Variants in FRMPD1 observed in about 807,000 individuals in gnomAD.
FRMPD1 encodes the protein FERM and PDZ domain containing 1, also known as FERM and PDZ domain-containing protein 1.
In FRMPD1, 76 loss-of-function variants were observed where a neutral mutation model predicts 117.8. The observed-to-expected ratio is 0.65, with a 90% CI of 0.54 to 0.78. The LOEUF (loss-of-function observed/expected upper bound fraction) is 0.78. Ranked by LOEUF, FRMPD1 falls within the 30% of genes least tolerant of loss-of-function variation. The probability of loss-of-function intolerance (pLI) is 0.00; values close to 1 mark genes in which losing one functional copy is unlikely to be tolerated. For missense variants in FRMPD1, 1,786 were observed against 1,964.5 expected, an observed-to-expected ratio of 0.91 and a Z score of 1.72; for synonymous variants, 783 against 770.4, an observed-to-expected ratio of 1.02 and a Z score of -0.27.
In FRMPD1 at chr9:37,729,766, A is replaced by T. The variant is rs1823781880; in HGVS notation, c.651A>T (p.Arg217=). Residue 217 remains arginine, a synonymous_variant, in exon 8 of 16, where the codon CGA becomes CGT. Transcript: ENST00000377765. ...CCGTGAAGGAGAAGCTGTCCATCCG[A>T]AGTATCGAGTACTTTGCACTGGCCC... ...ILTVKEKLSI[R]SIEYFALALE... The T allele has an allele frequency of 6.2e-7, 1 of 1,613,898 alleles. No homozygotes were observed. Among genetic ancestry groups the T allele is most frequent in the African/African-American group, 1.3e-5 (1 of 74,904 alleles).
At chr9:37,632,291 A>G in the FRMPD1 span, among the ~76,000 whole-genome samples, 1 of 152,358 alleles carries the variant, frequency 6.6e-6, no homozygotes, top group Admixed American at 6.5e-5. Context: ...GTTGATGAAC[A>G]TTCTTGTTAA....
At chr9:37,611,320 G>A in the FRMPD1 span, among the ~76,000 whole-genome samples, 10 of 152,146 alleles carry the variant, frequency 6.6e-5, no homozygotes, top group African/African-American at 9.7e-5. Flanking sequence ...GTGCTTATGC[G>A]AATCTACATG....
At position 37,746,482 on chromosome 9, in the gene FRMPD1, G is replaced by A. The variant is rs775539815; in HGVS notation, c.4450G>A (p.Glu1484Lys). The change falls in exon 16 of 16, where the codon GAA (glutamate) becomes AAA (lysine). Residue 1484 changes from glutamate (E) to lysine (K), a missense_variant. Transcript: ENST00000377765. ...TGTGATCAGAATGGACCAGTCCCCC[G>A]AAGAGATGCAGGGGGCCGTGCGTGA... ...RHVIRMDQSP[E>K]EMQGAVRDTF... is the part of the protein sequence containing the mutation. 6.8e-6 allele frequency: 11 copies of A among 1,613,600 alleles called. No homozygotes were observed. Among genetic ancestry groups the A allele is most frequent in the South Asian group, 1.1e-5 (1 of 91,092 alleles).
chr9:37,733,768 A>G lies in FRMPD1; in HGVS notation c.1161A>G (p.Leu387=), dbSNP rs369514409. The part of the protein sequence containing the change: ...ISAAQLRLNY[L]QILGELKTYG... ...CTGCCCAGCTACGTTTAAATTATCTACAGATCCTCGGAGAACTCAAGACAT... is the reference window on the plus strand; with the variant it reads ...CTGCCCAGCTACGTTTAAATTATCTGCAGATCCTCGGAGAACTCAAGACAT... The change falls in exon 12 of 16, where the codon CTA becomes CTG. Residue 387 remains leucine, a synonymous_variant. Transcript: ENST00000377765. 3.1e-6 allele frequency: 5 copies of G among 1,608,296 alleles called. No individual in the cohort carries two copies. In the African/African-American group the frequency reaches 6.7e-5, roughly 22 times the overall value.
chr9:37,688,149 C>CTA (rs1822011572), intron 1 of FRMPD1, among the ~76,000 whole-genome samples: 1 of 150,890 alleles, frequency 6.6e-6, no homozygotes, highest in Non-Finnish European at 1.5e-5. Flanking sequence ...AAATATTTTC[C>CTA]TATATATACA....
chr9:37,611,965 GC>G, the FRMPD1 span, among the ~76,000 whole-genome samples: 2 of 152,196 alleles, frequency 1.3e-5, no homozygotes, highest in African/African-American at 4.8e-5. Flanking sequence ...CAGTGGATCA[GC>G]CTGGGTATAA....
chr9:37,657,115 A>T (rs1820866560), intron 1 of FRMPD1, among the ~76,000 whole-genome samples: 1 of 152,246 alleles, frequency 6.6e-6, no homozygotes, highest in Non-Finnish European at 1.5e-5. Context: ...GCAACAGTGC[A>T]TCATTCTCTG....
chr9:37,746,563 A>T lies in FRMPD1; in HGVS notation c.4531A>T (p.Ser1511Cys). The T allele has an allele frequency of 6.2e-7, 1 of 1,613,738 alleles. No individual in the cohort carries two copies. The highest frequency in any genetic ancestry group is 8.5e-7 in the Non-Finnish European group (1 of 1,179,984). ...CCTGTGCTTTCAGTTCACAGACTGT[A>T]GCCGCTGCTCCGCCCGGCACAGGGA... ...AGLCFQFTDCSRCSARHREAA... is the reference protein window; with the variant it reads ...AGLCFQFTDCCRCSARHREAA... Residue 1511 changes from serine to cysteine, a missense_variant, in exon 16 of 16, where the codon AGC becomes TGC. Physicochemically the swap from Ser to Cys is moderately radical, Grantham distance 112 (BLOSUM62 -1). Coordinates refer to ENST00000377765, the MANE Select transcript of FRMPD1 (RefSeq NM_014907.3).
Position 37,746,657 on chromosome 9 carries a change from G to T in FRMPD1, c.4625G>T (p.Cys1542Phe). The T allele has an allele frequency of 6.2e-7, 1 of 1,614,136 alleles. No individual in the cohort carries two copies. Among genetic ancestry groups the T allele is most frequent in the Non-Finnish European group, 8.5e-7 (1 of 1,179,968 alleles). The change falls in exon 16 of 16, where the codon TGC (cysteine) becomes TTC (phenylalanine). Residue 1542 changes from cysteine (C) to phenylalanine (F), a missense_variant. Transcript: ENST00000377765. ...HQFIEAAKSTCERGYHDLSVK... is the reference protein window; with the variant it reads ...HQFIEAAKSTFERGYHDLSVK... ...TTTATAGAGGCTGCTAAATCGACCTGCGAGAGAGGCTACCACGACCTGAGT... is the reference window on the plus strand; with the variant it reads ...TTTATAGAGGCTGCTAAATCGACCTTCGAGAGAGGCTACCACGACCTGAGT...
chr9:37,661,616 A>T (rs1438224817), intron 1 of FRMPD1: 1 of 152,082 alleles, frequency 6.6e-6, no homozygotes, highest in Non-Finnish European at 1.5e-5. Flanking sequence ...GGCATTCCTG[A>T]CATGTTTGTT....
At position 37,737,104 on chromosome 9, in the gene FRMPD1, T is replaced by C; in HGVS notation, c.1410T>C (p.Thr470=). The change falls in exon 14 of 16, where the codon ACT becomes ACC. Residue 470 remains threonine, a synonymous_variant. Coordinates refer to ENST00000377765, the MANE Select transcript of FRMPD1 (RefSeq NM_014907.3). ...TCTATTTGCTTTCAAAGGTTCTGACTTTGCTGCTGGAATCCAACAGTGCAA... is the reference window on the plus strand; with the variant it reads ...TCTATTTGCTTTCAAAGGTTCTGACCTTGCTGCTGGAATCCAACAGTGCAA... The part of the protein sequence containing the change: ...KVYLQDVKVL[T]LLLESNSAKD... 3 of 1,612,684 alleles carry C rather than the reference T, an allele frequency of 1.9e-6. 1 individual carries two copies. The highest frequency in any genetic ancestry group is 2.2e-5 in the South Asian group (2 of 91,018).
rs202028346 is a variant in FRMPD1 at position 37,746,699 on chromosome 9, G to A, written c.4667G>A (p.Arg1556His). Residue 1556 changes from arginine to histidine, a missense_variant, in exon 16 of 16, where the codon CGT becomes CAT. Physicochemically the swap from Arg to His is conservative, Grantham distance 29. Coordinates refer to ENST00000377765, the MANE Select transcript of FRMPD1 (RefSeq NM_014907.3). ...YHDLSVKLLA[R>H]QCTALTAAVF... Reference sequence around the variant, plus strand: ...GACCTGAGTGTGAAACTCCTGGCCCGTCAGTGCACGGCCCTCACGGCCGCC... The same window carrying A: ...GACCTGAGTGTGAAACTCCTGGCCCATCAGTGCACGGCCCTCACGGCCGCC... 66 of 1,614,062 alleles carry A rather than the reference G, an allele frequency of 4.1e-5. No homozygotes were observed. The highest frequency in any genetic ancestry group is 2.0e-4 in the Admixed American group (12 of 60,030).
At chr9:37,652,497 A>C (rs1820709078) in intron 1 of FRMPD1, among the ~76,000 whole-genome samples, 1 of 152,228 alleles carries the variant, frequency 6.6e-6, no homozygotes, top group Non-Finnish European at 1.5e-5. Context: ...GGATTCTCAC[A>C]GAAGTGATTT....
intron 1 of FRMPD1, among the ~76,000 whole-genome samples, chr9:37,686,437 G>A (rs1359100193): frequency 6.6e-6 from 1 of 152,240 alleles, no homozygotes; most frequent in Non-Finnish European, 1.5e-5. Flanking sequence ...AGATTCAAAC[G>A]TTTTGGATGA....
Position 37,746,752 on chromosome 9 carries a change from G to T in FRMPD1, c.4720G>T (p.Ala1574Ser), listed in dbSNP as rs1433747801. Reference protein sequence around the residue: ...AVFCLTQKFRASTAL With the variant: ...AVFCLTQKFRSSTAL ...GTTCTGTTTGACCCAGAAGTTCCGG[G>T]CATCCACGGCCCTGTAAACAGGTCA... Residue 1574 changes from alanine (A) to serine (S), a missense_variant, in exon 16 of 16, where the codon GCA (alanine) becomes TCA (serine). By Grantham distance (99) the Ala-to-Ser change is moderately conservative. Coordinates refer to ENST00000377765, the MANE Select transcript of FRMPD1 (RefSeq NM_014907.3). 37 of 1,613,814 alleles carry T rather than the reference G, an allele frequency of 2.3e-5. No homozygotes were observed. Among genetic ancestry groups the T allele is most frequent in the Non-Finnish European group, 3.1e-5 (37 of 1,179,916 alleles).
upstream of FRMPD1, among the ~76,000 whole-genome samples, chr9:37,648,614 T>C (rs905987637): frequency 6.6e-6 from 1 of 151,862 alleles, no homozygotes; most frequent in Non-Finnish European, 1.5e-5. Context: ...GGAGGAGACA[T>C]GTGTAAGAGA....
In FRMPD1 at chr9:37,739,251, C is replaced by T. The variant is rs1029484311; in HGVS notation, c.1550-827C>T. ...AGGGAGGACTAGACTGTGCATGAGG[C>T]GCCATGGCCATCCTGTGAGAAGGGC... On this transcript the variant is annotated intron_variant, in intron 14 of 15. Transcript: ENST00000377765. 7.2e-5 allele frequency among the ~76,000 whole-genome samples: 11 copies of T among 152,050 alleles called. No individual in the cohort carries two copies. In the East Asian group the frequency reaches 7.7e-4, roughly 11 times the overall value.
the FRMPD1 span, among the ~76,000 whole-genome samples, chr9:37,617,731 CT>C: frequency 6.6e-6 from 1 of 152,214 alleles, no homozygotes; most frequent in East Asian, 1.9e-4. Flanking sequence ...AAGATCCCTA[CT>C]GATGTAATTA....
intron 4 of FRMPD1, among the ~76,000 whole-genome samples, chr9:37,710,426 A>G (rs1294687855): frequency 1.3e-5 from 2 of 152,232 alleles, no homozygotes; most frequent in African/African-American, 4.8e-5. Context: ...GTAGAGGTCA[A>G]GCAGTTATCT....
Sources: allele counts gnomAD v4.1 joint callset (sites outside exome capture counted in the v4.1 genomes callset), GRCh38; gene constraint gnomAD v4.1.1; transcripts MANE v1.5; gene names NCBI Gene and HGNC (gene_info 2026-07-23, HGNC 2026-07-21).